The following NXNL2 variants were observed in gnomAD, a reference collection of about 807,000 sequenced individuals.
NXNL2 encodes the protein nucleoredoxin like 2, also known as nucleoredoxin-like protein 2.
NXNL2 carries 7 observed loss-of-function variants against 11.1 expected under a neutral mutation model. That is an observed-to-expected ratio of 0.63 (90% CI 0.36 to 1.18). NXNL2 has a LOEUF of 1.18. Among genes scored for constraint, NXNL2 ranks in the 50% most tolerant of loss-of-function variants. The pLI, the probability that NXNL2 is intolerant of heterozygous loss-of-function variation, is 0.02. For missense variants in NXNL2, 233 were observed against 217.7 expected (o/e 1.07, Z -0.44); for synonymous variants, 109 against 101.8 (o/e 1.07, Z -0.42).
intron 1 of NXNL2, among the ~76,000 whole-genome samples, chr9:88,543,047 C>T (rs969136988): frequency 6.6e-6 from 1 of 152,116 alleles, no homozygotes; most frequent in South Asian, 2.1e-4. Context: ...GTGAAGATTA[C>T]GAGAACTGCA....
downstream of NXNL2, among the ~76,000 whole-genome samples, chr9:88,579,360 G>A (rs1018429521): frequency 2.6e-5 from 4 of 152,308 alleles, no homozygotes; most frequent in Middle Eastern, 3.4e-3. Context: ...GGAGTCAGGT[G>A]TGGCCTGACT....
rs1829580709 is a variant in NXNL2, at chr9:88,535,351, A to G, written c.-84A>G. 3 of 1,354,216 alleles carry G rather than the reference A, an allele frequency of 2.2e-6. No individual in the cohort carries two copies. The highest frequency in any genetic ancestry group is 2.0e-6 in the Non-Finnish European group (2 of 1,021,226). The allele number at this position is 1,354,216 out of a possible 1,614,324, so 83.9% of individuals were successfully genotyped here. A position where few individuals can be genotyped will look rare whatever the true frequency, so the allele number is the denominator to read the frequency against. On this transcript the variant is annotated 5_prime_UTR_variant, in exon 1 of 2. Transcript: ENST00000375854. Reference sequence around the variant, plus strand: ...CCGGTGGTGCGGACAGAGGCGGGGCACCGCGGCGCTCGCCGCCGCCTCCCC... The same window carrying G: ...CCGGTGGTGCGGACAGAGGCGGGGCGCCGCGGCGCTCGCCGCCGCCTCCCC...
intron 1 of NXNL2, among the ~76,000 whole-genome samples, chr9:88,566,995 T>TCTATCTATCTAC (rs1554706802): frequency 0.013 from 1,891 of 150,396 alleles, 26 homozygotes; most frequent in East Asian, 0.07. Context: ...TATCTATCTA[T>TCTATCTATCTAC]CTATCTATCT....
At position 88,535,328 on chromosome 9, in the gene NXNL2, G is replaced by C; in HGVS notation, c.-107G>C. 3 of 1,171,404 alleles carry C rather than the reference G, an allele frequency of 2.6e-6. No homozygotes were observed. Among genetic ancestry groups the C allele is most frequent in the Non-Finnish European group, 3.5e-6 (3 of 856,226 alleles). 72.6% of individuals were successfully genotyped at this position (1,171,404 alleles called of 1,614,324 possible). On this transcript the variant is annotated 5_prime_UTR_variant, in exon 1 of 2. Transcript: ENST00000375854. ...GCAGGTCTTGAGAGGTCCAGCGCCC[G>C]GTGGTGCGGACAGAGGCGGGGCACC...
At chr9:88,557,298 A>G (rs1469243785) in intron 1 of NXNL2, among the ~76,000 whole-genome samples, 1 of 152,130 alleles carries the variant, frequency 6.6e-6, no homozygotes, top group Non-Finnish European at 1.5e-5. Flanking sequence ...TTTTAGGTTG[A>G]CAATACTGTT....
chr9:88,544,286 A>T lies in NXNL2; in HGVS notation c.303-93A>T, dbSNP rs952258243. On this transcript the variant is annotated intron_variant, in intron 1 of 1. Transcript: ENST00000375854. ...GTGGGGCACCTGGTGGCTTCCTCCA[A>T]GTTGGCTGTACCTCAGGCTGGAGGG... 7.7e-6 allele frequency: 9 copies of T among 1,161,718 alleles called. No homozygotes were observed. The African/African-American group carries it at 1.4e-4, about 18-fold the overall frequency. 72.0% of individuals were successfully genotyped at this position (1,161,718 alleles called of 1,614,324 possible).
chr9:88,578,461 A>C (rs1300663203), downstream of NXNL2, among the ~76,000 whole-genome samples: 2 of 152,274 alleles, frequency 1.3e-5, no homozygotes, highest in South Asian at 2.1e-4. Context: ...TTTTAGTAAT[A>C]AAATTTATTT....
rs140558764 is a variant in NXNL2 at position 88,559,809 on chromosome 9, G to A, written c.303-11278G>A. Among the ~76,000 whole-genome samples the A allele has an allele frequency of 4.6e-5, 7 of 152,170 alleles. 1 individual carries two copies. The highest frequency in any genetic ancestry group is 1.2e-4 in the African/African-American group (5 of 41,532). ...GTGTGTCCATCTTTCAGGACCGGCC[G>A]GTGCCCTTTCTGGCCATTTCCACTT... On this transcript the variant is annotated intron_variant, in intron 1 of 2. Coordinates refer to the NXNL2 transcript ENST00000375855.
chr9:88,559,025 G>C (rs1403182550), intron 1 of NXNL2, among the ~76,000 whole-genome samples: 1 of 152,082 alleles, frequency 6.6e-6, no homozygotes, highest in Non-Finnish European at 1.5e-5. Flanking sequence ...GCAAATAGAT[G>C]TCTCTGCATG....
chr9:88,580,899 A>G (rs1830401958), intron 1 of NXNL2, among the ~76,000 whole-genome samples: 1 of 152,218 alleles, frequency 6.6e-6, no homozygotes, highest in Non-Finnish European at 1.5e-5. Context: ...TTTTTTAAAG[A>G]GTACTGGCCA....
intron 1 of NXNL2, among the ~76,000 whole-genome samples, chr9:88,557,080 C>CAA (rs150400954): frequency 2.0e-3 from 113 of 55,388 alleles, no homozygotes; most frequent in Non-Finnish European, 3.5e-3. Flanking sequence ...GACTCCATCT[C>CAA]AAAAAAAAAA....
rs181070833 is a variant in NXNL2, at chr9:88,562,132, A to G, written c.303-8955A>G. Among the ~76,000 whole-genome samples, 110 of 152,384 alleles carry G rather than the reference A, an allele frequency of 7.2e-4. 2 individuals are homozygous for G. Among genetic ancestry groups the G allele is most frequent in the Admixed American group, 6.9e-3 (106 of 15,308 alleles). ...GGGACAACCTACAACTACATACAAT[A>G]GAGATGAATCTCAACAATTAATGTG... On this transcript the variant is annotated intron_variant, in intron 1 of 2. Coordinates refer to the NXNL2 transcript ENST00000375855.
At chr9:88,564,285 T>TCTATCTATTATCTATC (rs1554706562) in intron 1 of NXNL2, among the ~76,000 whole-genome samples, 123 of 140,248 alleles carry the variant, frequency 8.8e-4, no homozygotes, top group East Asian at 6.5e-3. Flanking sequence ...TATCTATCTA[T>TCTATCTATTATCTATC]TATCTATCTA....
chr9:88,554,558 C>CT (rs1457574776), intron 1 of NXNL2, among the ~76,000 whole-genome samples: 1 of 152,146 alleles, frequency 6.6e-6, no homozygotes, highest in East Asian at 1.9e-4. Context: ...AATCTGGTGC[C>CT]TTTGGCAGGG....
intron 1 of NXNL2, among the ~76,000 whole-genome samples, chr9:88,557,618 A>G (rs867795539): frequency 5.0e-4 from 76 of 152,326 alleles, no homozygotes; most frequent in African/African-American, 1.8e-3. Flanking sequence ...AGGCAGGAAT[A>G]GTCTAATTTC....
At chr9:88,546,176 T>TGA (rs1445478909), downstream of NXNL2, among the ~76,000 whole-genome samples, 2 of 151,040 alleles carry the variant, frequency 1.3e-5, no homozygotes, top group Admixed American at 6.6e-5. Flanking sequence ...TGTGTGTGTG[T>TGA]GAGAACCACA....
rs753986173 is a variant in NXNL2 at position 88,583,744 on chromosome 9, T to C, written n.552-255T>C. ...GGAGACAAGGTCTGTAGAATGCAAT[T>C]AGGGTTAAATGTGTCACAGGGTAGC... On this transcript the variant is annotated intron_variant and non_coding_transcript_variant, in intron 1 of 1. Coordinates refer to the NXNL2 transcript ENST00000478686. 6.3e-4 allele frequency among the ~76,000 whole-genome samples: 96 copies of C among 152,156 alleles called. 1 individual carries two copies. The highest frequency in any genetic ancestry group is 1.8e-4 in the Non-Finnish European group (12 of 68,034).
At chr9:88,540,538 T>A (rs1829732455) in intron 1 of NXNL2, among the ~76,000 whole-genome samples, 1 of 152,320 alleles carries the variant, frequency 6.6e-6, no homozygotes, top group South Asian at 2.1e-4. Flanking sequence ...TTGACATGAA[T>A]TCACATCTGC....
rs1335413069 is a variant in NXNL2 at position 88,540,706 on chromosome 9, G to A, written c.303-3673G>A. Among the ~76,000 whole-genome samples, 6 of 142,058 alleles carry A rather than the reference G, an allele frequency of 4.2e-5. No homozygotes were observed. In the East Asian group the frequency reaches 1.9e-3, roughly 44 times the overall value. The allele number at this position is 142,058 out of a possible 152,430, so 93.2% of individuals were successfully genotyped here. On this transcript the variant is annotated intron_variant, in intron 1 of 1. Coordinates refer to ENST00000375854, the MANE Select transcript of NXNL2 (RefSeq NM_001161625.2). ...CTTTCCCTCCCCAGGTGAGTCATTG[G>A]ACACCACAGGGAGCAGGTCCGGACT... is the stretch of plus-strand genomic sequence containing the variant.
Sources: gnomAD v4.1 joint callset for allele counts (sites outside exome capture counted in the v4.1 genomes callset) on GRCh38, gnomAD v4.1.1 for gene constraint, MANE v1.5 for transcripts, NCBI Gene and HGNC (gene_info 2026-07-23, HGNC 2026-07-21) for gene names.